The following XPO7 variants were observed in gnomAD, a reference collection of about 807,000 sequenced individuals.
The protein encoded by XPO7 is exportin 7.
A neutral mutation model predicts 144.3 loss-of-function variants in XPO7; 21 were observed. That is an observed-to-expected ratio of 0.15 (90% CI 0.10 to 0.21). The LOEUF (loss-of-function observed/expected upper bound fraction) is 0.21, where lower values mean the gene tolerates loss of function less well. Among genes scored for constraint, XPO7 ranks in the 10% least tolerant of loss-of-function variants. XPO7 has a pLI of 1.00. For missense variants in XPO7, 808 were observed against 1,325.8 expected (o/e 0.61, Z 6.06); for synonymous variants, 580 against 499.6 (o/e 1.16, Z -2.15).
At chr8:21,970,351 A>G (rs772808356) in intron 4 of XPO7, 41 bp downstream of exon 4, 10 of 1,571,138 alleles carry the variant, frequency 6.4e-6, no homozygotes, top group Non-Finnish European at 8.7e-6. Context: ...TGGGAGAACC[A>G]GCATATACAT....
At chr8:21,977,625 A>G (rs1209944627) in intron 7 of XPO7, 145 bp from the exon 8 acceptor site, 10 of 705,602 alleles carry the variant, frequency 1.4e-5, no homozygotes, top group East Asian at 8.9e-5. Context: ...AAAAGCCCCT[A>G]TTTGCTTATC....
chr8:21,967,411 A>G (rs562005510), intron 2 of XPO7, among the ~76,000 whole-genome samples: 15 of 151,982 alleles, frequency 9.9e-5, no homozygotes, highest in Admixed American at 9.2e-4. Flanking sequence ...GCTCACTGCA[A>G]CCTCCACCTC....
Position 22,002,109 on chromosome 8 carries a change from C to A in XPO7, c.2783-3C>A, listed in dbSNP as rs202116699. On this transcript the variant is annotated splice_polypyrimidine_tract_variant and splice_region_variant and intron_variant, in intron 24 of 27. Coordinates refer to ENST00000252512, the MANE Select transcript of XPO7 (RefSeq NM_015024.5). ...GTCCTACCCCTGCCTTTCTTTCTTG[C>A]AGACACCATGGTATGCACAGGCTGC... The A allele has an allele frequency of 7.5e-6, 12 of 1,606,652 alleles. No individual in the cohort carries two copies. The highest frequency in any genetic ancestry group is 3.4e-5 in the Admixed American group (2 of 59,012).
At chr8:21,991,758 G>A (rs1812780302) in intron 18 of XPO7, 110 bp from the exon 19 acceptor site, 1 of 672,062 alleles carries the variant, frequency 1.5e-6, no homozygotes, top group Admixed American at 3.7e-5. Context: ...ATAATAAAGG[G>A]ACCCCCTTGA....
At chr8:21,992,087 G>A in intron 19 of XPO7, 113 bp downstream of exon 19, 6 of 677,460 alleles carry the variant, frequency 8.9e-6, no homozygotes, top group Non-Finnish European at 1.4e-5. Flanking sequence ...TTAATGTCTT[G>A]GACTTCTAGG....
At chr8:21,924,019 G>A (rs1351161695) in intron 1 of XPO7, among the ~76,000 whole-genome samples, 1 of 152,082 alleles carries the variant, frequency 6.6e-6, no homozygotes, top group Non-Finnish European at 1.5e-5. Context: ...TTTGGTTCAG[G>A]GTCTCATTTG....
At chr8:21,958,439 C>T (rs1264592474) in intron 1 of XPO7, among the ~76,000 whole-genome samples, 1 of 152,130 alleles carries the variant, frequency 6.6e-6, no homozygotes, top group Non-Finnish European at 1.5e-5. Flanking sequence ...TGGCCAAAAG[C>T]ACAGTAACTC....
chr8:21,963,275 A>T (rs1811782133), intron 1 of XPO7, among the ~76,000 whole-genome samples: 1 of 152,208 alleles, frequency 6.6e-6, no homozygotes, highest in African/African-American at 2.4e-5. Flanking sequence ...TGGTCACCCA[A>T]GGATTATGCT....
chr8:21,957,147 A>G (rs1281922100), intron 1 of XPO7, among the ~76,000 whole-genome samples: 1 of 151,042 alleles, frequency 6.6e-6, no homozygotes, highest in African/African-American at 2.4e-5. Context: ...GTATGTCTGC[A>G]CACTGAAATT....
chr8:21,951,083 G>T (rs540560054), intron 1 of XPO7, among the ~76,000 whole-genome samples: 1 of 151,840 alleles, frequency 6.6e-6, no homozygotes, highest in Non-Finnish European at 1.5e-5. Flanking sequence ...GCGACAGAGC[G>T]AGTAAATTTA....
intron 1 of XPO7, among the ~76,000 whole-genome samples, chr8:21,939,283 G>A (rs1443058975): frequency 2.0e-5 from 3 of 149,000 alleles, no homozygotes; most frequent in African/African-American, 7.5e-5. Flanking sequence ...GTGCAGTGCT[G>A]CGATCTTAGC....
At position 21,998,845 on chromosome 8, in the gene XPO7, C is replaced by T. The variant is rs1180309234; in HGVS notation, c.2428+8C>T. ...AGATGATAACAATGTATGGTAAGTG[C>T]TTCAGATAATCATGCCTCTAGAAGT... On this transcript the variant is annotated splice_region_variant and intron_variant, in intron 22 of 27. Coordinates refer to ENST00000252512, the MANE Select transcript of XPO7 (RefSeq NM_015024.5). 2 of 1,613,528 alleles carry T rather than the reference C, an allele frequency of 1.2e-6. No homozygotes were observed. Among genetic ancestry groups the T allele is most frequent in the Non-Finnish European group, 8.5e-7 (1 of 1,179,538 alleles).
chr8:21,953,706 A>AT (rs1438271188), intron 1 of XPO7, among the ~76,000 whole-genome samples: 2 of 152,320 alleles, frequency 1.3e-5, no homozygotes, highest in East Asian at 3.9e-4. Context: ...AGCCATTCTA[A>AT]TAGGTGTGTA....
At chr8:21,953,043 G>A (rs188606812) in intron 1 of XPO7, among the ~76,000 whole-genome samples, 1 of 27,670 alleles carries the variant, frequency 3.6e-5, no homozygotes, top group Non-Finnish European at 7.2e-5. Context: ...CCCTGCCCCC[G>A]CCCATTAACG....
At position 21,994,433 on chromosome 8, in the gene XPO7, T is replaced by A; in HGVS notation, c.2219T>A (p.Met740Lys). The A allele has an allele frequency of 6.2e-7, 1 of 1,611,512 alleles. No individual in the cohort carries two copies. The highest frequency in any genetic ancestry group is 8.5e-7 in the Non-Finnish European group (1 of 1,178,148). ...AFAFNAKTSF[M>K]MLFEWIYPSY... ...GCTTTCAATGCCAAGACCAGCTTCA[T>A]GATGCTCTTTGAATGGATGTATCCT... Residue 740 changes from methionine (M) to lysine (K), a missense_variant, in exon 20 of 28, where the codon ATG becomes AAG. This residue lies in a region of XPO7 where 416 missense variants were observed against 612.5 expected (regional missense o/e 0.68). Coordinates refer to ENST00000252512, the MANE Select transcript of XPO7 (RefSeq NM_015024.5).
chr8:21,990,447 C>T (rs1028604224), intron 17 of XPO7, 40 bp downstream of exon 17: 1 of 1,603,824 alleles, frequency 6.2e-7, no homozygotes, highest in Non-Finnish European at 8.5e-7. Flanking sequence ...CTCCTACCAC[C>T]CACACATACA....
Position 21,999,000 on chromosome 8 carries a change from A to G in XPO7, c.2429-91A>G, listed in dbSNP as rs1813045389. On this transcript the variant is annotated intron_variant, in intron 22 of 27. Transcript: ENST00000252512. The stretch of plus-strand genomic sequence containing the variant: ...GAGTGCCACCTGTCACCAGGGGCCT[A>G]CTGGAATTTGTATGCCTTTGGAGTA... 8.6e-6 allele frequency: 13 copies of G among 1,513,788 alleles called. No individual in the cohort carries two copies. The East Asian group carries it at 2.9e-4, about 34-fold the overall frequency. The allele number at this position is 1,513,788 out of a possible 1,614,324, so 93.8% of individuals were successfully genotyped here.
intron 1 of XPO7, among the ~76,000 whole-genome samples, chr8:21,958,622 A>G (rs539487886): frequency 4.0e-5 from 6 of 151,682 alleles, no homozygotes; most frequent in Non-Finnish European, 8.8e-5. Flanking sequence ...AAAAAAAAAA[A>G]CCCGTAAAGG....
At chr8:21,934,425 T>C (rs1434050244) in intron 1 of XPO7, among the ~76,000 whole-genome samples, 1 of 151,754 alleles carries the variant, frequency 6.6e-6, no homozygotes, top group African/African-American at 2.4e-5. Flanking sequence ...CCCAGCTACT[T>C]GGGAGGCTGA....
Sources: allele counts gnomAD v4.1 joint callset (sites outside exome capture counted in the v4.1 genomes callset), GRCh38; gene constraint gnomAD v4.1.1; regional missense constraint gnomAD v4.1.1; transcripts MANE v1.5; gene names NCBI Gene and HGNC (gene_info 2026-07-23, HGNC 2026-07-21).